LUZP2: variants seen among roughly 807,000 people sequenced by gnomAD.
LUZP2 encodes leucine zipper protein 2.
Under a neutral mutation model 51.6 loss-of-function variants are expected in LUZP2, and 52 were observed. The observed-to-expected ratio is 1.01, with a 90% CI of 0.81 to 1.27. The LOEUF (loss-of-function observed/expected upper bound fraction) is 1.27. LUZP2 is among the 50% of genes most tolerant of loss of function. LUZP2 has a pLI of 0.00. For synonymous variants in LUZP2, 154 were observed against 137.3 expected, an observed-to-expected ratio of 1.12 and a Z score of -0.85; for missense variants, 436 against 395.4, an observed-to-expected ratio of 1.10 and a Z score of -0.87.
intron 8 of LUZP2, among the ~76,000 whole-genome samples, chr11:24,981,490 T>C (rs1030772103): frequency 6.6e-6 from 1 of 151,724 alleles, no homozygotes; most frequent in Non-Finnish European, 1.5e-5. Context: ...CAGAAAGGTC[T>C]TTATGACCTA....
At chr11:24,994,103 C>T (rs1242349091) in intron 9 of LUZP2, among the ~76,000 whole-genome samples, 4 of 151,154 alleles carry the variant, frequency 2.6e-5, no homozygotes, top group Non-Finnish European at 5.9e-5. Context: ...TCATAATCTG[C>T]CTGCCTCAGC....
At chr11:24,580,686 A>C (rs10834397) in intron 1 of LUZP2, among the ~76,000 whole-genome samples, 60,060 of 152,068 alleles carry the variant, frequency 0.39, 12,109 homozygotes, top group Middle Eastern at 0.52. Context: ...TCAATACTTA[A>C]TGTTCATTCT....
intron 1 of LUZP2, among the ~76,000 whole-genome samples, chr11:24,619,953 A>G (rs1252618646): frequency 6.6e-6 from 1 of 152,180 alleles, no homozygotes; most frequent in Non-Finnish European, 1.5e-5. Flanking sequence ...AATTCTTAAA[A>G]GTTGTTTAAG....
chr11:24,620,342 G>A (rs944331631), intron 1 of LUZP2, among the ~76,000 whole-genome samples: 1 of 150,998 alleles, frequency 6.6e-6, no homozygotes, highest in African/African-American at 2.4e-5. Context: ...CTTTTTTTTT[G>A]CAGTACAGGG....
chr11:24,997,087 A>G (rs1205963703), intron 9 of LUZP2, among the ~76,000 whole-genome samples: 3 of 150,196 alleles, frequency 2.0e-5, no homozygotes, highest in East Asian at 2.0e-4. Context: ...ATACGTGTGC[A>G]TGTGTCTTTA....
At chr11:24,665,187 T>C (rs894273910) in intron 1 of LUZP2, among the ~76,000 whole-genome samples, 3 of 152,112 alleles carry the variant, frequency 2.0e-5, no homozygotes, top group African/African-American at 7.2e-5. Context: ...TTTTGGAACT[T>C]TAAGATTTAA....
intron 9 of LUZP2, among the ~76,000 whole-genome samples, chr11:25,001,753 C>G (rs1265586089): frequency 1.3e-5 from 2 of 151,934 alleles, no homozygotes; most frequent in East Asian, 1.9e-4. Context: ...GACTTTCTGT[C>G]AGTCTCTTCC....
At chr11:24,526,546 G>T (rs551594078) in intron 1 of LUZP2, among the ~76,000 whole-genome samples, 23 of 150,864 alleles carry the variant, frequency 1.5e-4, no homozygotes, top group South Asian at 4.1e-4. Flanking sequence ...CTGGATCTAT[G>T]ATCACAAAAT....
intron 1 of LUZP2, among the ~76,000 whole-genome samples, chr11:24,692,362 C>T (rs1565080111): frequency 6.6e-6 from 1 of 151,970 alleles, no homozygotes; most frequent in African/African-American, 2.4e-5. Context: ...AAATAAGTCA[C>T]AAGCAGGTGA....
intron 5 of LUZP2, among the ~76,000 whole-genome samples, chr11:24,878,560 C>T (rs999729775): frequency 9.2e-5 from 14 of 152,024 alleles, no homozygotes; most frequent in Non-Finnish European, 2.1e-4. Context: ...GTTCTATAAC[C>T]TTCTTGTACT....
At chr11:24,561,700 A>T (rs990959380) in intron 1 of LUZP2, among the ~76,000 whole-genome samples, 1 of 151,944 alleles carries the variant, frequency 6.6e-6, no homozygotes, top group Non-Finnish European at 1.5e-5. Flanking sequence ...GAGGGATAGC[A>T]TTAGGAGAAA....
intron 5 of LUZP2, among the ~76,000 whole-genome samples, chr11:24,882,086 C>T (rs1852488026): frequency 6.6e-6 from 1 of 151,868 alleles, no homozygotes; most frequent in Non-Finnish European, 1.5e-5. Context: ...TAATTAAAGG[C>T]AGTTTTATTA....
chr11:24,733,862 T>C (rs1045553849), intron 3 of LUZP2, among the ~76,000 whole-genome samples: 2 of 151,516 alleles, frequency 1.3e-5, no homozygotes, highest in African/African-American at 4.8e-5. Context: ...AAAACAAAAA[T>C]TGATTTCTGC....
chr11:24,966,789 A>G (rs1348256048), intron 7 of LUZP2, among the ~76,000 whole-genome samples: 1 of 147,652 alleles, frequency 6.8e-6, no homozygotes, highest in African/African-American at 2.5e-5. Flanking sequence ...TATATTCATT[A>G]TATCAGTTGA....
intron 10 of LUZP2, among the ~76,000 whole-genome samples, chr11:25,054,331 C>T (rs1858613573): frequency 6.6e-6 from 1 of 152,106 alleles, no homozygotes; most frequent in South Asian, 2.1e-4. Context: ...CTTTTATTTT[C>T]AATAAAGTTC....
chr11:24,734,736 A>G (rs1357831960), intron 3 of LUZP2, among the ~76,000 whole-genome samples: 1 of 152,020 alleles, frequency 6.6e-6, no homozygotes, highest in Non-Finnish European at 1.5e-5. Flanking sequence ...CTGACTTATT[A>G]GTAAACATTA....
chr11:24,555,260 G>A (rs1851832890), intron 1 of LUZP2, among the ~76,000 whole-genome samples: 2 of 152,112 alleles, frequency 1.3e-5, no homozygotes, highest in African/African-American at 4.8e-5. Flanking sequence ...TTCCTCATCT[G>A]CAGAAGTGGA....
At chr11:24,681,260 T>C (rs960618956) in intron 1 of LUZP2, among the ~76,000 whole-genome samples, 13 of 151,914 alleles carry the variant, frequency 8.6e-5, no homozygotes, top group Admixed American at 5.9e-4. Flanking sequence ...GGATTACAGG[T>C]GTGAGCCACC....
chr11:24,744,373 A>G (rs968748707), intron 4 of LUZP2, among the ~76,000 whole-genome samples: 12 of 152,002 alleles, frequency 7.9e-5, no homozygotes, highest in Non-Finnish European at 1.5e-4. Context: ...TTTAATTACC[A>G]TTTCAATCTT....
Sources: allele counts gnomAD v4.1 joint callset (sites outside exome capture counted in the v4.1 genomes callset), GRCh38; gene constraint gnomAD v4.1.1; transcripts MANE v1.5; gene names NCBI Gene and HGNC (gene_info 2026-07-23, HGNC 2026-07-21).